TAFA1: variants seen among roughly 807,000 people sequenced by gnomAD.
The protein encoded by TAFA1 is chemokine-like protein TAFA-1.
TAFA1 carries 4 observed loss-of-function variants against 18.5 expected under a neutral mutation model. That is an observed-to-expected ratio of 0.22 (90% confidence interval 0.11 to 0.49). The LOEUF (loss-of-function observed/expected upper bound fraction) is 0.49. Among genes scored for constraint, TAFA1 ranks in the 20% least tolerant of loss-of-function variants. TAFA1 has a pLI of 0.98. For synonymous variants in TAFA1, 56 were observed against 55.2 expected (o/e 1.01, Z -0.06); for missense variants, 147 against 169.0 (o/e 0.87, Z 0.72).
intron 3 of TAFA1, among the ~76,000 whole-genome samples, chr3:68,419,958 C>T (rs2070922997): frequency 6.6e-6 from 1 of 152,196 alleles, no homozygotes; most frequent in South Asian, 2.1e-4. Flanking sequence ...TTACCTAGTT[C>T]TCTCCTATGT....
chr3:68,267,602 A>G (rs2067572726), intron 2 of TAFA1, among the ~76,000 whole-genome samples: 1 of 152,162 alleles, frequency 6.6e-6, no homozygotes, highest in Non-Finnish European at 1.5e-5. Context: ...TCATGAAAAG[A>G]TAACTGATTA....
intron 3 of TAFA1, among the ~76,000 whole-genome samples, chr3:68,512,659 CT>C (rs1477695800): frequency 6.7e-6 from 1 of 148,506 alleles, no homozygotes; most frequent in Non-Finnish European, 1.5e-5. Flanking sequence ...TAAAAGAGTT[CT>C]GGGTGGTTTT....
At chr3:68,331,851 CTTTTCTTTTTT>C (rs2068877815) in intron 2 of TAFA1, among the ~76,000 whole-genome samples, 1 of 91,700 alleles carries the variant, frequency 1.1e-5, no homozygotes, top group Non-Finnish European at 2.3e-5. Flanking sequence ...ATAGTCTTTT[CTTTTCTTTTTT>C]TTTTTTTTTT....
chr3:68,075,378 T>C (rs966192490), intron 2 of TAFA1, among the ~76,000 whole-genome samples: 39 of 152,214 alleles, frequency 2.6e-4, no homozygotes, highest in Non-Finnish European at 5.3e-4. Flanking sequence ...AACCAACTTG[T>C]AGTTTGTGAT....
intron 2 of TAFA1, among the ~76,000 whole-genome samples, chr3:68,036,878 T>C (rs1399601199): frequency 1.3e-5 from 2 of 152,166 alleles, no homozygotes; most frequent in Non-Finnish European, 2.9e-5. Flanking sequence ...TCTTGCCACA[T>C]TGATATTCAT....
intron 3 of TAFA1, among the ~76,000 whole-genome samples, chr3:68,450,434 T>C (rs1483825481): frequency 6.6e-6 from 1 of 152,214 alleles, no homozygotes; most frequent in East Asian, 1.9e-4. Flanking sequence ...ATTTAACTAG[T>C]GAGCCTCAGT....
chr3:68,339,057 C>T (rs2069028460), intron 2 of TAFA1, among the ~76,000 whole-genome samples: 1 of 152,194 alleles, frequency 6.6e-6, no homozygotes, highest in African/African-American at 2.4e-5. Flanking sequence ...GTCAATTTCA[C>T]CTACATTAAA....
At chr3:68,323,936 G>A (rs1388505) in intron 2 of TAFA1, among the ~76,000 whole-genome samples, 18,885 of 152,132 alleles carry the variant, frequency 0.12, 1,346 homozygotes, top group East Asian at 0.27. Context: ...ACCAGAAGAA[G>A]GGCACCTATG....
chr3:68,454,161 A>G (rs2071616252), intron 3 of TAFA1, among the ~76,000 whole-genome samples: 1 of 152,212 alleles, frequency 6.6e-6, no homozygotes, highest in South Asian at 2.1e-4. Context: ...ATAAAAGAAT[A>G]GTGGCAGCTT....
chr3:68,447,817 C>T (rs2071496582), intron 3 of TAFA1, among the ~76,000 whole-genome samples: 1 of 152,168 alleles, frequency 6.6e-6, no homozygotes, highest in Non-Finnish European at 1.5e-5. Flanking sequence ...CCTAGGAAAG[C>T]TATATTCTGT....
At chr3:68,019,412 T>C (rs547693275) in intron 2 of TAFA1, among the ~76,000 whole-genome samples, 1 of 152,344 alleles carries the variant, frequency 6.6e-6, no homozygotes, top group South Asian at 2.1e-4. Context: ...ATAGGATAAA[T>C]CTACATTTAT....
intron 2 of TAFA1, among the ~76,000 whole-genome samples, chr3:68,347,921 A>G (rs574184139): frequency 5.3e-5 from 8 of 152,122 alleles, no homozygotes; most frequent in African/African-American, 1.9e-4. Flanking sequence ...CTCCATTTGA[A>G]ATTCCTGGCT....
At chr3:68,074,564 A>G (rs1174984797) in intron 2 of TAFA1, among the ~76,000 whole-genome samples, 4 of 152,238 alleles carry the variant, frequency 2.6e-5, no homozygotes, top group African/African-American at 7.2e-5. Context: ...TGATGACACT[A>G]AAATGAAAAA....
At chr3:68,270,684 A>G (rs1242825147) in intron 2 of TAFA1, among the ~76,000 whole-genome samples, 2 of 152,204 alleles carry the variant, frequency 1.3e-5, no homozygotes, top group African/African-American at 2.4e-5. Context: ...CTCATTAATT[A>G]GAGCTGATCC....
At chr3:68,095,023 A>G (rs898450426) in intron 2 of TAFA1, among the ~76,000 whole-genome samples, 2 of 152,158 alleles carry the variant, frequency 1.3e-5, no homozygotes, top group African/African-American at 4.8e-5. Context: ...GTCACCCATC[A>G]TGGAAATGGC....
chr3:68,066,198 T>A (rs7433199), intron 2 of TAFA1, among the ~76,000 whole-genome samples: 1 of 152,176 alleles, frequency 6.6e-6, no homozygotes, highest in Admixed American at 6.6e-5. Flanking sequence ...TTATTATATA[T>A]CAATAAAGCC....
intron 2 of TAFA1, among the ~76,000 whole-genome samples, chr3:68,127,113 A>G (rs1286488253): frequency 6.6e-6 from 1 of 152,178 alleles, no homozygotes; most frequent in Non-Finnish European, 1.5e-5. Flanking sequence ...ATCTTAGCTG[A>G]CTTTTGACTC....
At chr3:68,469,775 T>C (rs2106944327) in intron 3 of TAFA1, among the ~76,000 whole-genome samples, 1 of 152,324 alleles carries the variant, frequency 6.6e-6, no homozygotes, top group East Asian at 1.9e-4. Flanking sequence ...ATAACTTGTA[T>C]TCAAATTCTG....
At chr3:68,400,617 A>T (rs1197105742) in intron 2 of TAFA1, among the ~76,000 whole-genome samples, 1 of 152,190 alleles carries the variant, frequency 6.6e-6, no homozygotes, top group Admixed American at 6.5e-5. Flanking sequence ...AAACAATCAG[A>T]TTCTTTAAGA....
Sources: gnomAD v4.1 joint callset for allele counts (sites outside exome capture counted in the v4.1 genomes callset) on GRCh38, gnomAD v4.1.1 for gene constraint, MANE v1.5 for transcripts, NCBI Gene and HGNC (gene_info 2026-07-23, HGNC 2026-07-21) for gene names.